SESN1: variants seen among roughly 807,000 people sequenced by gnomAD.
SESN1 encodes sestrin-1.
In SESN1, 30 loss-of-function variants were observed where a neutral mutation model predicts 59.3. That is an observed-to-expected ratio of 0.51 (90% confidence interval 0.38 to 0.69). The LOEUF (loss-of-function observed/expected upper bound fraction) is 0.69. Ranked by LOEUF, SESN1 falls within the 30% of genes least tolerant of loss-of-function variation. The pLI is 0.00. For synonymous variants in SESN1, 197 were observed against 219.9 expected, an observed-to-expected ratio of 0.90 and a Z score of 0.92; for missense variants, 566 against 673.0, an observed-to-expected ratio of 0.84 and a Z score of 1.76.
intron 1 of SESN1, among the ~76,000 whole-genome samples, chr6:109,079,901 G>T (rs1583298645): frequency 1.3e-5 from 2 of 152,150 alleles, no homozygotes; most frequent in Non-Finnish European, 2.9e-5. Flanking sequence ...TTCTGTATGA[G>T]CTCAATGTAA....
intron 8 of SESN1, 108 bp from the exon 9 acceptor site, chr6:108,988,795 G>A: frequency 1.2e-6 from 1 of 831,874 alleles, no homozygotes; most frequent in Non-Finnish European, 1.7e-6. Context: ...CTCTCTTTGT[G>A]TAGGCAGCTG....
intron 1 of SESN1, among the ~76,000 whole-genome samples, chr6:109,042,997 A>G (rs1780366065): frequency 6.6e-6 from 1 of 152,166 alleles, no homozygotes; most frequent in Non-Finnish European, 1.5e-5. Context: ...ATTATATATC[A>G]AGATTTAGGG....
chr6:109,000,615 T>A lies in SESN1; in HGVS notation c.605A>T (p.His202Leu), dbSNP rs374094607. 6 of 1,611,766 alleles carry A rather than the reference T, an allele frequency of 3.7e-6. No individual in the cohort carries two copies. The highest frequency in any genetic ancestry group is 3.3e-5 in the Admixed American group (2 of 59,822). ...LVNLHVNDFLHVGGDPKWLNG... is the reference protein window; with the variant it reads ...LVNLHVNDFLLVGGDPKWLNG... ...GAGCCACTTGGGGTCCCCACCAACATGAAGGAAATCATTTACATGCAGGTT... is the reference window on the plus strand; with the variant it reads ...GAGCCACTTGGGGTCCCCACCAACAAGAAGGAAATCATTTACATGCAGGTT... Residue 202 changes from histidine to leucine, a missense_variant, in exon 4 of 10, where the codon CAT becomes CTT. Transcript: ENST00000436639.
Position 108,990,188 on chromosome 6 carries a change from C to T in SESN1, c.1424+457G>A, listed in dbSNP as rs17070110. ...ATGGCTGAAAACCTAACAGCAAGGA[C>T]ATGAAAGTTTTGCATTTTGATTACG... is the stretch of plus-strand genomic sequence containing the variant. On this transcript the variant is annotated intron_variant, in intron 8 of 9. Coordinates refer to ENST00000436639, the MANE Select transcript of SESN1 (RefSeq NM_014454.3). Among the ~76,000 whole-genome samples the T allele has an allele frequency of 1.1e-3, 161 of 152,270 alleles. No individual in the cohort carries two copies. In the East Asian group the frequency reaches 0.028, roughly 26 times the overall value.
intron 1 of SESN1, among the ~76,000 whole-genome samples, chr6:109,083,534 A>G (rs1781158880): frequency 6.6e-6 from 1 of 152,202 alleles, no homozygotes; most frequent in Non-Finnish European, 1.5e-5. Flanking sequence ...TGTCTCAACA[A>G]AATTTCAATT....
intron 7 of SESN1, 148 bp from the exon 8 acceptor site, chr6:108,990,983 A>G: frequency 1.6e-6 from 1 of 635,690 alleles, no homozygotes; most frequent in Admixed American, 3.2e-5. Flanking sequence ...TTACACTCCA[A>G]TCTTTTTTTC....
rs1239384446 is a variant in SESN1 at position 108,999,254 on chromosome 6, CTTCTA to C, written c.730-504_730-500del. The C allele has an allele frequency of 4.6e-5, 7 of 152,544 alleles. 1 individual carries two copies. The highest frequency in any genetic ancestry group is 1.4e-4 in the African/African-American group (6 of 41,420). The allele number at this position is 152,544 out of a possible 1,614,324, so 9.4% of individuals were successfully genotyped here. A position where few individuals can be genotyped will look rare whatever the true frequency, so the allele number is the denominator to read the frequency against. On this transcript the variant is annotated intron_variant, in intron 4 of 9. Coordinates refer to ENST00000436639, the MANE Select transcript of SESN1 (RefSeq NM_014454.3). The stretch of plus-strand genomic sequence containing the variant: ...AAAGTTATATATAACTTCTATAATT[CTTCTA>C]TTCAATTCTGTGTCACTTCTGCTTC...
At position 108,985,262 on chromosome 6, in the gene SESN1, A is replaced by G. The variant is rs1477157109; in HGVS notation, c.*2282T>C. 1.3e-5 allele frequency among the ~76,000 whole-genome samples: 2 copies of G among 151,534 alleles called. No homozygotes were observed. Among genetic ancestry groups the G allele is most frequent in the Admixed American group, 6.6e-5 (1 of 15,228 alleles). On this transcript the variant is annotated 3_prime_UTR_variant, in exon 10 of 10. Coordinates refer to ENST00000436639, the MANE Select transcript of SESN1 (RefSeq NM_014454.3). The stretch of plus-strand genomic sequence containing the variant: ...AGATGATAAAGTTTGGCCTAATAAA[A>G]AATTTTCCCAAATACGGCCAAAACA...
At chr6:109,061,909 C>T (rs1265320155) in intron 1 of SESN1, among the ~76,000 whole-genome samples, 2 of 152,158 alleles carry the variant, frequency 1.3e-5, no homozygotes, top group South Asian at 2.1e-4. Flanking sequence ...GGTCTCTACC[C>T]ACATTAAACC....
chr6:109,039,136 AAG>A (rs1180260307), intron 1 of SESN1, among the ~76,000 whole-genome samples: 3 of 147,578 alleles, frequency 2.0e-5, no homozygotes, highest in East Asian at 2.1e-4. Flanking sequence ...AGGAGAAAGA[AAG>A]AAGAGGAGAA....
At chr6:109,036,978 CAGTT>C (rs1310279416) in intron 1 of SESN1, among the ~76,000 whole-genome samples, 1 of 152,232 alleles carries the variant, frequency 6.6e-6, no homozygotes, top group Non-Finnish European at 1.5e-5. Context: ...TTCAGCACCT[CAGTT>C]AGGAAACTTA....
intron 8 of SESN1, 144 bp downstream of exon 8, chr6:108,990,501 G>T: frequency 2.7e-6 from 2 of 731,560 alleles, no homozygotes; most frequent in Non-Finnish European, 2.2e-6. Flanking sequence ...GTGGTTCTTT[G>T]AAGCATAAAT....
Position 108,994,529 on chromosome 6 carries a change from T to C in SESN1, c.1053A>G (p.Ala351=), listed in dbSNP as rs771906721. 5 of 1,613,532 alleles carry C rather than the reference T, an allele frequency of 3.1e-6. No individual in the cohort carries two copies. The highest frequency in any genetic ancestry group is 4.2e-6 in the Non-Finnish European group (5 of 1,179,750). ...QLQECRDEEE[A]SQEEMASRFE... is the part of the protein sequence containing the mutation. ...AACGTGAAGCCATCTCTTCCTGACT[T>C]GCCTCTTCTTCATCTCGACATTCCT... The change falls in exon 6 of 10, where the codon GCA becomes GCG. Residue 351 remains alanine (A), a synonymous_variant. Transcript: ENST00000436639.
At position 108,985,575 on chromosome 6, in the gene SESN1, A is replaced by G. The variant is rs1240196043; in HGVS notation, c.*1969T>C. 6.6e-6 allele frequency among the ~76,000 whole-genome samples: 1 copy of G among 152,166 alleles called. No individual in the cohort carries two copies. The highest frequency in any genetic ancestry group is 1.5e-5 in the Non-Finnish European group (1 of 68,022). On this transcript the variant is annotated 3_prime_UTR_variant, in exon 10 of 10. Transcript: ENST00000436639. ...CTTTTATTACTTTAGGTATAAACAT[A>G]TTTTTTAACTCATTAAAATTTTGAT... is the stretch of plus-strand genomic sequence containing the variant.
At chr6:109,080,443 C>T (rs968934365) in intron 1 of SESN1, among the ~76,000 whole-genome samples, 2 of 152,016 alleles carry the variant, frequency 1.3e-5, no homozygotes, top group African/African-American at 2.4e-5. Context: ...AGAATCCTTG[C>T]GATCAGGCAA....
intron 1 of SESN1, among the ~76,000 whole-genome samples, chr6:109,033,163 T>A (rs1464281370): frequency 6.6e-6 from 1 of 152,136 alleles, no homozygotes; most frequent in Non-Finnish European, 1.5e-5. Flanking sequence ...GAGAAACTTC[T>A]AGGATAGTCT....
intron 1 of SESN1, among the ~76,000 whole-genome samples, chr6:109,021,781 T>C (rs1453247929): frequency 6.6e-6 from 1 of 152,146 alleles, no homozygotes; most frequent in Non-Finnish European, 1.5e-5. Context: ...AAATAAGCTA[T>C]GTTGAATCAG....
At chr6:108,989,453 A>G (rs977237230) in intron 8 of SESN1, among the ~76,000 whole-genome samples, 2 of 150,094 alleles carry the variant, frequency 1.3e-5, no homozygotes, top group African/African-American at 2.5e-5. Flanking sequence ...ATACATCTCT[A>G]TATCTAGAGA....
At chr6:109,006,696 GGTTTATAAAAA>G (rs1779740739) in intron 1 of SESN1, among the ~76,000 whole-genome samples, 2 of 151,962 alleles carry the variant, frequency 1.3e-5, no homozygotes, top group Admixed American at 1.3e-4. Context: ...TAGTAGTCTT[GGTTTATAAAAA>G]GTTTCCATTT....
Sources: allele counts gnomAD v4.1 joint callset (sites outside exome capture counted in the v4.1 genomes callset), GRCh38; gene constraint gnomAD v4.1.1; transcripts MANE v1.5; gene names NCBI Gene and HGNC (gene_info 2026-07-23, HGNC 2026-07-21).